IL1RAPL1: variants seen among roughly 807,000 people sequenced by gnomAD.
The protein encoded by IL1RAPL1 is interleukin-1 receptor accessory protein-like 1.
A neutral mutation model predicts 48.4 loss-of-function variants in IL1RAPL1; 3 were observed. The observed-to-expected ratio is 0.06, with a 90% CI of 0.03 to 0.16. IL1RAPL1 has a LOEUF of 0.16. Among genes scored for constraint, IL1RAPL1 ranks in the 10% least tolerant of loss-of-function variants. IL1RAPL1 has a pLI of 1.00. For synonymous variants in IL1RAPL1, 185 were observed against 187.7 expected (o/e 0.99, Z 0.12); for missense variants, 349 against 530.6 (o/e 0.66, Z 3.36).
At chrX:29,706,653 G>A (rs1389202281) in intron 6 of IL1RAPL1, among the ~76,000 whole-genome samples, 2 of 111,862 alleles carry the variant, frequency 1.8e-5, no homozygotes, top group Non-Finnish European at 3.8e-5. Context: ...AATACTTAGA[G>A]CCAACTGATT....
intron 5 of IL1RAPL1, among the ~76,000 whole-genome samples, chrX:29,660,410 G>T (rs1274815040): frequency 1.8e-5 from 2 of 111,959 alleles, no homozygotes; most frequent in East Asian, 2.8e-4. Context: ...AAAAATCTTT[G>T]CTCAGAGCAA....
intron 2 of IL1RAPL1, among the ~76,000 whole-genome samples, chrX:28,887,846 T>TA (rs755978609): frequency 8.1e-5 from 9 of 110,657 alleles, no homozygotes; most frequent in African/African-American, 2.0e-4. Context: ...AGAATGTGGT[T>TA]AAAAAAAACC....
chrX:29,179,568 G>T (rs979798162), intron 2 of IL1RAPL1, among the ~76,000 whole-genome samples: 1 of 111,250 alleles, frequency 9.0e-6, no homozygotes, highest in African/African-American at 3.3e-5. Flanking sequence ...GTTAGGGGAT[G>T]GGATATGATC....
chrX:29,574,674 T>C (rs1280992072), intron 5 of IL1RAPL1, among the ~76,000 whole-genome samples: 1 of 111,882 alleles, frequency 8.9e-6, no homozygotes, highest in Non-Finnish European at 1.9e-5. Flanking sequence ...AGGTTTTTCT[T>C]TTCTACCACA....
chrX:29,278,672 A>G (rs774210634), intron 2 of IL1RAPL1, among the ~76,000 whole-genome samples: 1 of 112,589 alleles, frequency 8.9e-6, no homozygotes, highest in African/African-American at 3.2e-5. Flanking sequence ...AGTTATATGA[A>G]TTACATACAA....
At chrX:29,879,515 T>G (rs1340708926) in intron 6 of IL1RAPL1, among the ~76,000 whole-genome samples, 2 of 109,073 alleles carry the variant, frequency 1.8e-5, no homozygotes, top group Non-Finnish European at 3.8e-5. Flanking sequence ...AAAGTAAAAT[T>G]TAAAATATAT....
intron 1 of IL1RAPL1, among the ~76,000 whole-genome samples, chrX:28,718,161 C>CTA (rs773482708): frequency 3.4e-4 from 38 of 111,397 alleles, no homozygotes; most frequent in East Asian, 1.1e-3. Flanking sequence ...TGAGCATCTA[C>CTA]TATATGCCTG....
At chrX:28,665,952 C>T (rs1367494689) in intron 1 of IL1RAPL1, among the ~76,000 whole-genome samples, 2 of 112,158 alleles carry the variant, frequency 1.8e-5, no homozygotes, top group Admixed American at 9.5e-5. Context: ...AGCACGCACG[C>T]GCACTCTGGT....
At chrX:29,257,431 T>G (rs1005746372) in intron 2 of IL1RAPL1, among the ~76,000 whole-genome samples, 9 of 111,752 alleles carry the variant, frequency 8.1e-5, no homozygotes, top group Non-Finnish European at 1.7e-4. Context: ...AGCAGCAACT[T>G]AAACGATGTA....
At chrX:29,348,392 G>C (rs1407034695) in intron 3 of IL1RAPL1, among the ~76,000 whole-genome samples, 2 of 112,179 alleles carry the variant, frequency 1.8e-5, no homozygotes, top group Non-Finnish European at 3.8e-5. Context: ...TAATTGTAGT[G>C]AGAAAGAAAA....
intron 2 of IL1RAPL1, among the ~76,000 whole-genome samples, chrX:28,904,846 A>G (rs1471627387): frequency 8.9e-6 from 1 of 112,347 alleles, no homozygotes; most frequent in African/African-American, 3.2e-5. Flanking sequence ...AAAGTTTTCC[A>G]TAATATTTCT....
intron 5 of IL1RAPL1, among the ~76,000 whole-genome samples, chrX:29,589,501 A>C (rs1923298872): frequency 9.0e-6 from 1 of 111,413 alleles, no homozygotes; most frequent in African/African-American, 3.3e-5. Flanking sequence ...TTGGTATAAA[A>C]TGTTATGTAG....
At chrX:28,671,456 A>G (rs1445029071) in intron 1 of IL1RAPL1, among the ~76,000 whole-genome samples, 3 of 111,938 alleles carry the variant, frequency 2.7e-5, no homozygotes, top group African/African-American at 9.7e-5. Context: ...GATGTCTACC[A>G]AGAAACTATG....
intron 6 of IL1RAPL1, among the ~76,000 whole-genome samples, chrX:29,768,649 G>A (rs1358123941): frequency 9.0e-6 from 1 of 111,712 alleles, no homozygotes; most frequent in Non-Finnish European, 1.9e-5. Flanking sequence ...TCCCAGTGAT[G>A]TGTACACTTT....
chrX:29,712,905 T>A (rs1927388800), intron 6 of IL1RAPL1, among the ~76,000 whole-genome samples: 1 of 111,986 alleles, frequency 8.9e-6, no homozygotes, highest in Admixed American at 9.5e-5. Context: ...AATACTTGAG[T>A]AGTTGTTATA....
chrX:29,101,988 C>T (rs2147464223), intron 2 of IL1RAPL1, among the ~76,000 whole-genome samples: 1 of 111,398 alleles, frequency 9.0e-6, no homozygotes, highest in African/African-American at 3.3e-5. Context: ...TGGAATTTAT[C>T]CCAGGGATGT....
intron 2 of IL1RAPL1, among the ~76,000 whole-genome samples, chrX:28,933,464 A>G (rs975676439): frequency 2.0e-4 from 22 of 111,959 alleles, no homozygotes; most frequent in Non-Finnish European, 1.9e-5. Flanking sequence ...ATATGTCAGT[A>G]GTTTTATTTT....
At chrX:29,944,565 C>G (rs761965991) in intron 9 of IL1RAPL1, among the ~76,000 whole-genome samples, 1 of 112,257 alleles carries the variant, frequency 8.9e-6, no homozygotes, top group East Asian at 2.8e-4. Flanking sequence ...AGAAAAAACT[C>G]ATAACCTTGC....
intron 9 of IL1RAPL1, among the ~76,000 whole-genome samples, chrX:29,946,503 G>A (rs911825472): frequency 4.5e-5 from 5 of 112,140 alleles, no homozygotes; most frequent in African/African-American, 1.3e-4. Context: ...GAGAAGATAC[G>A]CTATCCCCCT....
Sources: allele counts gnomAD v4.1 joint callset (sites outside exome capture counted in the v4.1 genomes callset), GRCh38; gene constraint gnomAD v4.1.1; transcripts MANE v1.5; gene names NCBI Gene and HGNC (gene_info 2026-07-23, HGNC 2026-07-21).